Variants in CD8B2 observed in about 807,000 individuals in gnomAD.
CD8B2 encodes T-cell surface glycoprotein CD8 beta-2 chain.
CD8B2 carries 11 observed loss-of-function variants against 23.7 expected under a neutral mutation model. The observed-to-expected ratio is 0.46, with a 90% CI of 0.29 to 0.77. CD8B2 has a LOEUF of 0.77. Ranked by LOEUF, CD8B2 falls within the 30% of genes least tolerant of loss-of-function variation. The pLI, the probability that CD8B2 is intolerant of heterozygous loss-of-function variation, is 0.09. For synonymous variants in CD8B2, 90 were observed against 109.3 expected (o/e 0.82, Z 1.10); for missense variants, 197 against 270.5 (o/e 0.73, Z 1.91).
At chr2:106,533,586 C>A (rs1680043583) in intron 5 of CD8B2, among the ~76,000 whole-genome samples, 1 of 152,084 alleles carries the variant, frequency 6.6e-6, no homozygotes, top group Non-Finnish European at 1.5e-5. Context: ...TACTGCACAG[C>A]TAAAACAAGG....
chr2:106,502,244 G>A (rs562432928), intron 3 of CD8B2, among the ~76,000 whole-genome samples: 1 of 139,934 alleles, frequency 7.1e-6, no homozygotes, highest in East Asian at 2.0e-4. Flanking sequence ...GCAGTGAGCT[G>A]AGAATGCACC....
At chr2:106,500,623 T>C (rs1411856467) in intron 3 of CD8B2, among the ~76,000 whole-genome samples, 1 of 151,804 alleles carries the variant, frequency 6.6e-6, no homozygotes, top group African/African-American at 2.4e-5. Flanking sequence ...AGTATGTACT[T>C]AGCACATATG....
downstream of CD8B2, among the ~76,000 whole-genome samples, chr2:106,514,861 C>T (rs151328895): frequency 2.0e-5 from 3 of 152,246 alleles, no homozygotes; most frequent in Admixed American, 1.3e-4. Context: ...ATGACTCTGG[C>T]ATGGTTAAGC....
rs1181510600 is a variant in CD8B2, at chr2:106,502,808, C to T, written c.583+245C>T. On this transcript the variant is annotated intron_variant, in intron 4 of 5. Coordinates refer to ENST00000643224, the MANE Select transcript of CD8B2 (RefSeq NM_001349727.2). ...AACGTGGCTGTTTCCTGATCCAGTG[C>T]CCCGGTCTCTCTGAGCCTCGGCTGC... 3.3e-5 allele frequency among the ~76,000 whole-genome samples: 5 copies of T among 151,998 alleles called. No homozygotes were observed. In the South Asian group the frequency reaches 6.2e-4, roughly 19 times the overall value.
chr2:106,496,424 C>A (rs1163186928), intron 3 of CD8B2, among the ~76,000 whole-genome samples, 162 bp downstream of exon 3: 1 of 151,634 alleles, frequency 6.6e-6, no homozygotes, highest in African/African-American at 2.4e-5. Context: ...GTGATAGCAA[C>A]TCACAGTCTC....
chr2:106,492,706 C>A lies in CD8B2; in HGVS notation c.403+1473C>A, dbSNP rs1222381888. 2.6e-5 allele frequency among the ~76,000 whole-genome samples: 4 copies of A among 152,150 alleles called. No individual in the cohort carries two copies. In the East Asian group the frequency reaches 7.7e-4, roughly 29 times the overall value. On this transcript the variant is annotated intron_variant, in intron 2 of 5. Coordinates refer to ENST00000643224, the MANE Select transcript of CD8B2 (RefSeq NM_001349727.2). ...GGGCACTAAAAGCCACAAGGGGACCCAGAAATTAGACCACTCAGCGTGAGG... is the reference window on the plus strand; with the variant it reads ...GGGCACTAAAAGCCACAAGGGGACCAAGAAATTAGACCACTCAGCGTGAGG...
At chr2:106,519,383 C>T (rs140482776) in intron 5 of CD8B2, among the ~76,000 whole-genome samples, 1 of 152,354 alleles carries the variant, frequency 6.6e-6, no homozygotes, top group Non-Finnish European at 1.5e-5. Context: ...CATCCTTTGA[C>T]TTCTGAGTCT....
intron 5 of CD8B2, chr2:106,521,774 T>C (rs919346551): frequency 1.3e-5 from 2 of 152,202 alleles, no homozygotes; most frequent in African/African-American, 4.8e-5. Flanking sequence ...ATGGGAATGA[T>C]CAGAAATGGG....
chr2:106,518,874 G>A (rs927496021), intron 5 of CD8B2, among the ~76,000 whole-genome samples: 10 of 149,878 alleles, frequency 6.7e-5, no homozygotes, highest in African/African-American at 2.0e-4. Context: ...TCATTGCTCC[G>A]TCCTCCCTTC....
intron 5 of CD8B2, among the ~76,000 whole-genome samples, chr2:106,522,721 C>T (rs560664366): frequency 2.9e-4 from 44 of 152,310 alleles, no homozygotes; most frequent in African/African-American, 9.9e-4. Context: ...ACAGGCCTTA[C>T]TTGACATTTT....
In CD8B2 at chr2:106,510,269, A is replaced by T. The variant is rs1377099392; in HGVS notation, c.*3329A>T. ...AGCGTTTCTGCTTCTCAATCTGGGA[A>T]TCACTTATATGAGTGTGTTTCATTA... On this transcript the variant is annotated 3_prime_UTR_variant, in exon 6 of 6. Transcript: ENST00000643224. 1 of 152,206 alleles carries T rather than the reference A, an allele frequency of 6.6e-6. No individual in the cohort carries two copies. The highest frequency in any genetic ancestry group is 2.4e-5 in the African/African-American group (1 of 41,448). The allele number at this position is 152,206 out of a possible 1,614,324, so 9.4% of individuals were successfully genotyped here. A position where few individuals can be genotyped will look rare whatever the true frequency, so the allele number is the denominator to read the frequency against.
At chr2:106,538,863 C>T (rs1161466088) in intron 5 of CD8B2, among the ~76,000 whole-genome samples, 4 of 152,142 alleles carry the variant, frequency 2.6e-5, no homozygotes, top group South Asian at 4.1e-4. Flanking sequence ...CTCATCAGGC[C>T]GGGCACTGCC....
At chr2:106,540,958 G>T (rs538006002) in intron 5 of CD8B2, among the ~76,000 whole-genome samples, 21 of 152,314 alleles carry the variant, frequency 1.4e-4, no homozygotes, top group African/African-American at 4.8e-4. Flanking sequence ...TTCGGCTGGG[G>T]GAGTGGAGAC....
chr2:106,497,923 T>G (rs1195516963), intron 3 of CD8B2, among the ~76,000 whole-genome samples: 2 of 152,148 alleles, frequency 1.3e-5, no homozygotes, highest in African/African-American at 4.8e-5. Context: ...AACATCAGTT[T>G]AAACAAAGGG....
At chr2:106,506,815 C>T in intron 5 of CD8B2, 113 bp from the exon 6 acceptor site, 9 of 1,462,628 alleles carry the variant, frequency 6.2e-6, no homozygotes, top group Non-Finnish European at 8.3e-6. Context: ...CTCTCGGCCC[C>T]AGGCTACTTG....
In CD8B2 at chr2:106,509,619, CA is replaced by C. The variant is rs1348710502; in HGVS notation, c.*2680del. 6.6e-6 allele frequency: 1 copy of C among 151,838 alleles called. No individual in the cohort carries two copies. The highest frequency in any genetic ancestry group is 2.4e-5 in the African/African-American group (1 of 41,266). 9.4% of individuals were successfully genotyped at this position (151,838 alleles called of 1,614,324 possible). On this transcript the variant is annotated 3_prime_UTR_variant, in exon 6 of 6. Coordinates refer to ENST00000643224, the MANE Select transcript of CD8B2 (RefSeq NM_001349727.2). ...CTCCGTCAGTTTTCTGTGCAGCAGG[CA>C]CCTGCCGAGGCGGGCTCAGCTCCGG...
chr2:106,542,466 T>C (rs1680190449), intron 5 of CD8B2, among the ~76,000 whole-genome samples: 1 of 152,098 alleles, frequency 6.6e-6, no homozygotes, highest in African/African-American at 2.4e-5. Flanking sequence ...AAACTCTCAA[T>C]ATATATCCTG....
rs2104562891 is a variant in CD8B2, at chr2:106,510,592, C to T, written c.*3652C>T. The T allele has an allele frequency of 6.6e-6, 1 of 152,130 alleles. No homozygotes were observed. Among genetic ancestry groups the T allele is most frequent in the African/African-American group, 2.4e-5 (1 of 41,520 alleles). The allele number at this position is 152,130 out of a possible 1,614,324, so 9.4% of individuals were successfully genotyped here. On this transcript the variant is annotated 3_prime_UTR_variant, in exon 6 of 6. Transcript: ENST00000643224. Reference sequence around the variant, plus strand: ...AAAAATTTTTAAATTTTTTTCTGGGCATGGTGGTGCTTGCCTGGAGTCCCA... The same window carrying T: ...AAAAATTTTTAAATTTTTTTCTGGGTATGGTGGTGCTTGCCTGGAGTCCCA...
At chr2:106,493,394 C>G (rs947643607) in intron 2 of CD8B2, among the ~76,000 whole-genome samples, 2 of 152,162 alleles carry the variant, frequency 1.3e-5, no homozygotes, top group African/African-American at 2.4e-5. Context: ...GAATTTAAAA[C>G]AGAACAGTCC....
Sources: gnomAD v4.1 joint callset for allele counts (sites outside exome capture counted in the v4.1 genomes callset) on GRCh38, gnomAD v4.1.1 for gene constraint, MANE v1.5 for transcripts, NCBI Gene and HGNC (gene_info 2026-07-23, HGNC 2026-07-21) for gene names.